PAPSS2: variants seen among roughly 807,000 people sequenced by gnomAD.
The protein encoded by PAPSS2 is bifunctional 3'-phosphoadenosine 5'-phosphosulfate synthase 2.
Under a neutral mutation model 66.5 loss-of-function variants are expected in PAPSS2, and 61 were observed. The ratio of observed to expected loss-of-function variants is 0.92; its 90% CI spans 0.75 to 1.14. The LOEUF is 1.14. Ranked by LOEUF, PAPSS2 falls within the 50% of genes most tolerant of loss-of-function variation. The probability of loss-of-function intolerance (pLI) is 0.00; values close to 1 mark genes in which losing one functional copy is unlikely to be tolerated. For missense variants in PAPSS2, 708 were observed against 789.6 expected (o/e 0.90, Z 1.24); for synonymous variants, 289 against 287.5 (o/e 1.01, Z -0.05).
chr10:87,723,117 C>T (rs55911146), intron 8 of PAPSS2, among the ~76,000 whole-genome samples: 58,846 of 152,002 alleles, frequency 0.39, 11,660 homozygotes, highest in South Asian at 0.49. Context: ...TCTTTCAGCA[C>T]CCTGCTCCAC....
At chr10:87,662,233 T>C (rs1852760936) in intron 1 of PAPSS2, among the ~76,000 whole-genome samples, 1 of 152,142 alleles carries the variant, frequency 6.6e-6, no homozygotes, top group African/African-American at 2.4e-5. Context: ...ACCTACTGTA[T>C]GCCAGGTGGT....
chr10:87,663,300 C>T (rs945634654), intron 1 of PAPSS2, among the ~76,000 whole-genome samples: 22 of 151,946 alleles, frequency 1.4e-4, no homozygotes, highest in African/African-American at 4.6e-4. Context: ...TTAGTAGAGA[C>T]GGGGTTTTGC....
chr10:87,700,277 C>A (rs1250049866), intron 1 of PAPSS2, among the ~76,000 whole-genome samples: 2 of 152,166 alleles, frequency 1.3e-5, no homozygotes, highest in Admixed American at 6.5e-5. Flanking sequence ...TATAGTGAGT[C>A]ATTTTATGTT....
At chr10:87,682,111 G>A (rs1853028629) in intron 1 of PAPSS2, among the ~76,000 whole-genome samples, 1 of 152,124 alleles carries the variant, frequency 6.6e-6, no homozygotes, top group African/African-American at 2.4e-5. Flanking sequence ...TTGAGTGATT[G>A]AAAAAATAGA....
intron 2 of PAPSS2, among the ~76,000 whole-genome samples, chr10:87,711,311 A>G (rs892357036): frequency 6.6e-6 from 1 of 152,280 alleles, no homozygotes; most frequent in Non-Finnish European, 1.5e-5. Context: ...AGTGCCTGGC[A>G]CATAGTTAAG....
chr10:87,678,734 T>A (rs1369991861), intron 1 of PAPSS2, among the ~76,000 whole-genome samples: 3 of 152,068 alleles, frequency 2.0e-5, no homozygotes, highest in African/African-American at 7.2e-5. Context: ...CATGAGATAT[T>A]ACCTCACCTC....
chr10:87,736,018 C>G (rs1853794285), intron 9 of PAPSS2, among the ~76,000 whole-genome samples: 1 of 152,124 alleles, frequency 6.6e-6, no homozygotes, highest in Non-Finnish European at 1.5e-5. Flanking sequence ...CCTCCCTCTT[C>G]TCTGCTAACA....
intron 2 of PAPSS2, among the ~76,000 whole-genome samples, chr10:87,712,784 A>G (rs1240886348): frequency 6.6e-6 from 1 of 152,016 alleles, no homozygotes; most frequent in Non-Finnish European, 1.5e-5. Context: ...CTAATCTTTA[A>G]AACACTCTGC....
At chr10:87,701,394 TTCTCTTTCTTTCTCTC>T (rs1853313162) in intron 1 of PAPSS2, among the ~76,000 whole-genome samples, 1 of 84,714 alleles carries the variant, frequency 1.2e-5, no homozygotes, top group African/African-American at 5.3e-5. Context: ...CTTTCTTTCT[TTCTCTTTCTTTCTCTC>T]TCTCTCTCTC....
intron 1 of PAPSS2, among the ~76,000 whole-genome samples, chr10:87,697,461 G>T (rs1007293365): frequency 6.6e-6 from 1 of 152,210 alleles, no homozygotes; most frequent in Non-Finnish European, 1.5e-5. Flanking sequence ...ACCAAGGAGG[G>T]TGCCAAGGAG....
intron 1 of PAPSS2, among the ~76,000 whole-genome samples, chr10:87,691,156 C>G (rs1461386503): frequency 6.6e-6 from 1 of 152,206 alleles, no homozygotes; most frequent in Non-Finnish European, 1.5e-5. Flanking sequence ...TATGACCTAT[C>G]CACCACTTTG....
At chr10:87,732,702 A>G (rs1182569688) in intron 9 of PAPSS2, among the ~76,000 whole-genome samples, 4 of 152,190 alleles carry the variant, frequency 2.6e-5, no homozygotes, top group African/African-American at 9.7e-5. Flanking sequence ...TGAACCTGCA[A>G]TGTTTCTCAG....
At chr10:87,713,789 A>T (rs1207138985) in intron 3 of PAPSS2, among the ~76,000 whole-genome samples, 4 of 152,206 alleles carry the variant, frequency 2.6e-5, no homozygotes, top group Non-Finnish European at 5.9e-5. Context: ...CTTAGAACAC[A>T]TCCTTTGAAT....
chr10:87,713,090 G>GA lies in PAPSS2; in HGVS notation c.166dup (p.Thr56AsnfsTer31). The GA allele has an allele frequency of 6.2e-7, 1 of 1,611,038 alleles. No homozygotes were observed. Among genetic ancestry groups the GA allele is most frequent in the Non-Finnish European group, 8.5e-7 (1 of 1,177,950 alleles). On this transcript the variant is annotated frameshift_variant, in exon 3 of 13. Coordinates refer to ENST00000456849, the MANE Select transcript of PAPSS2 (RefSeq NM_001015880.2). LOFTEE classifies it high-confidence loss of function. ...TTCTGAACAGGTCTCTCTGGTGCTG[G>GA]AAAAACAACGATAAGTTTTGCCCTG...
At chr10:87,734,665 A>ATG (rs1305339928) in intron 9 of PAPSS2, among the ~76,000 whole-genome samples, 5 of 34,318 alleles carry the variant, frequency 1.5e-4, no homozygotes, top group East Asian at 1.2e-3. Context: ...ATGTGTGTGT[A>ATG]TATATATATA....
intron 1 of PAPSS2, among the ~76,000 whole-genome samples, chr10:87,666,897 A>G (rs573437917): frequency 2.0e-5 from 3 of 152,076 alleles, no homozygotes; most frequent in Non-Finnish European, 4.4e-5. Flanking sequence ...TTCCTCTGAG[A>G]TCAGAAGCAC....
At chr10:87,695,235 A>T (rs368994364) in intron 1 of PAPSS2, among the ~76,000 whole-genome samples, 6 of 152,312 alleles carry the variant, frequency 3.9e-5, no homozygotes, top group African/African-American at 7.2e-5. Flanking sequence ...CCTTCTTGCT[A>T]TAAGCTCACA....
intron 2 of PAPSS2, among the ~76,000 whole-genome samples, chr10:87,709,840 A>G (rs924002264): frequency 6.6e-5 from 10 of 152,246 alleles, no homozygotes; most frequent in African/African-American, 2.4e-4. Flanking sequence ...AGCAATTTCC[A>G]TTTGGCTGAG....
chr10:87,714,949 A>G, intron 5 of PAPSS2, 36 bp from the exon 6 acceptor site: 2 of 1,445,788 alleles, frequency 1.4e-6, no homozygotes, highest in South Asian at 2.3e-5. Flanking sequence ...TTCTTTTTAC[A>G]GTTTTCAAGT....
Sources: gnomAD v4.1 joint callset for allele counts (sites outside exome capture counted in the v4.1 genomes callset) on GRCh38, gnomAD v4.1.1 for gene constraint, MANE v1.5 for transcripts, NCBI Gene and HGNC (gene_info 2026-07-23, HGNC 2026-07-21) for gene names.